The following MPDZ variants were observed in gnomAD, a reference collection of about 807,000 sequenced individuals.
MPDZ encodes the protein multiple PDZ domain crumbs cell polarity complex component, also known as multiple PDZ domain protein.
A neutral mutation model predicts 239.1 loss-of-function variants in MPDZ; 234 were observed. The ratio of observed to expected loss-of-function variants is 0.98; its 90% confidence interval spans 0.88 to 1.09. The LOEUF (loss-of-function observed/expected upper bound fraction) is 1.09, where lower values mean the gene tolerates loss of function less well. Among genes scored for constraint, MPDZ ranks in the 50% least tolerant of loss-of-function variants. The probability of loss-of-function intolerance (pLI) is 0.00; values close to 1 mark genes in which losing one functional copy is unlikely to be tolerated. For missense variants in MPDZ, 3,175 were observed against 2,510.0 expected (o/e 1.26, Z -5.66); for synonymous variants, 1,048 against 881.3 (o/e 1.19, Z -3.35).
At chr9:13,141,928 G>T (rs187878788) in intron 27 of MPDZ, among the ~76,000 whole-genome samples, 200 of 152,164 alleles carry the variant, frequency 1.3e-3, no homozygotes, top group African/African-American at 4.6e-3. Flanking sequence ...CAAATGCTGT[G>T]CCATAAATGT....
chr9:13,213,215 T>C (rs890954663), intron 10 of MPDZ, among the ~76,000 whole-genome samples: 2 of 152,034 alleles, frequency 1.3e-5, no homozygotes, highest in Non-Finnish European at 2.9e-5. Flanking sequence ...AATACCAACA[T>C]ATGAAATGGG....
At chr9:13,206,568 T>A (rs1425748179) in intron 10 of MPDZ, among the ~76,000 whole-genome samples, 3 of 151,584 alleles carry the variant, frequency 2.0e-5, no homozygotes, top group African/African-American at 7.3e-5. Flanking sequence ...TTTTTTTTTT[T>A]CTTTCTCACT....
chr9:13,120,770 A>G (rs1944225763), intron 38 of MPDZ: 1 of 152,232 alleles, frequency 6.6e-6, no homozygotes, highest in Non-Finnish European at 1.5e-5. Context: ...CCAAAGAAGG[A>G]TATTCTGAAA....
rs774809635 is a variant in MPDZ, at chr9:13,140,064, C to T, written c.3926G>A (p.Gly1309Asp). 1.9e-6 allele frequency: 3 copies of T among 1,613,502 alleles called. No homozygotes were observed. Among genetic ancestry groups the T allele is most frequent in the South Asian group, 2.2e-5 (2 of 91,074 alleles). Residue 1309 changes from glycine (G) to aspartate (D), a missense_variant, in exon 28 of 47, where the codon GGT becomes GAT. By Grantham distance (94) the Gly-to-Asp change is moderately conservative. Transcript: ENST00000319217. ...TGCAGATGACTGTGTGTGATCACTA[C>T]CCATTTCGGCAAAGGCTGAAGGAGG... ...PPPPSAFAEM[G>D]SDHTQSSASK...
intron 40 of MPDZ, among the ~76,000 whole-genome samples, chr9:13,114,882 A>C (rs1158048464): frequency 2.6e-5 from 4 of 152,126 alleles, no homozygotes; most frequent in Non-Finnish European, 5.9e-5. Context: ...CCTGGGTGAC[A>C]GAGCGAGACT....
Position 13,199,871 on chromosome 9 carries a change from G to C in MPDZ, c.1547-3641C>G, listed in dbSNP as rs148714298. 2.5e-3 allele frequency among the ~76,000 whole-genome samples: 374 copies of C among 152,128 alleles called. 2 individuals carry two copies. Among genetic ancestry groups the C allele is most frequent in the Non-Finnish European group, 4.6e-3 (316 of 67,966 alleles). On this transcript the variant is annotated intron_variant, in intron 12 of 46. Transcript: ENST00000319217. ...GTTGAATCTGGTTTGCTAGTATTTT[G>C]TTGAGGATTTTTGCAACTACGTTCA...
chr9:13,115,882 T>A (rs1170158176), intron 39 of MPDZ, among the ~76,000 whole-genome samples: 2 of 149,496 alleles, frequency 1.3e-5, no homozygotes, highest in African/African-American at 5.0e-5. Context: ...GAGGCGGAGC[T>A]TGCAGTGAGC....
chr9:13,195,662 A>G (rs545573796), intron 13 of MPDZ, among the ~76,000 whole-genome samples: 3 of 152,306 alleles, frequency 2.0e-5, no homozygotes, highest in East Asian at 1.9e-4. Context: ...TATGAAAAAA[A>G]GTATGCAGAA....
chr9:13,153,543 A>G (rs1390925335), intron 24 of MPDZ, among the ~76,000 whole-genome samples: 1 of 151,958 alleles, frequency 6.6e-6, no homozygotes, highest in East Asian at 1.9e-4. Flanking sequence ...TTCAACCTCA[A>G]TGTCCTGGGC....
chr9:13,236,281 T>A lies in MPDZ; in HGVS notation c.183+11354A>T, dbSNP rs1455705436. ...TATATATATATATTTTTTTTTTTTT[T>A]TTTTTTTTTTTTTGAGACAGAGTTT... On this transcript the variant is annotated intron_variant, in intron 3 of 46. Coordinates refer to ENST00000319217, the MANE Select transcript of MPDZ (RefSeq NM_001378778.1). 7.7e-4 allele frequency among the ~76,000 whole-genome samples: 25 copies of A among 32,544 alleles called. 2 individuals carry two copies. Among genetic ancestry groups the A allele is most frequent in the East Asian group, 2.0e-3 (1 of 498 alleles). 21.4% of individuals were successfully genotyped at this position (32,544 alleles called of 152,430 possible). A position where few individuals can be genotyped will look rare whatever the true frequency, so the allele number is the denominator to read the frequency against.
chr9:13,169,608 T>C (rs143775744), intron 21 of MPDZ, among the ~76,000 whole-genome samples: 4 of 152,074 alleles, frequency 2.6e-5, no homozygotes, highest in African/African-American at 9.6e-5. Flanking sequence ...CCTTCCATGA[T>C]TGTCTCCTTC....
intron 3 of MPDZ, among the ~76,000 whole-genome samples, chr9:13,227,391 T>G (rs1235537206): frequency 1.3e-5 from 2 of 152,046 alleles, no homozygotes; most frequent in Non-Finnish European, 2.9e-5. Context: ...TTTTTTATCC[T>G]GAGCCATGGC....
In MPDZ at chr9:13,268,503, A is replaced by G. The variant is rs16930210; in HGVS notation, c.-58+10897T>C. Among the ~76,000 whole-genome samples the G allele has an allele frequency of 1.8e-3, 268 of 152,326 alleles. 8 individuals carry two copies. In the East Asian group the frequency reaches 0.044, roughly 25 times the overall value. On this transcript the variant is annotated intron_variant, in intron 1 of 46. Coordinates refer to ENST00000319217, the MANE Select transcript of MPDZ (RefSeq NM_001378778.1). ...TGACAAAAGAAGAATGAGGATAACT[A>G]TCTAACTTCTGAGCTCCCAATTTAG...
rs763964370 is a variant in MPDZ, at chr9:13,121,860, C to G, written c.5110G>C (p.Val1704Leu). The stretch of plus-strand genomic sequence containing the variant: ...TCATCTCTGTAGAGTGTCAGGCGCA[C>G]TCTCTGTGGCGTCTGTCTCAGGACA... ...INVLRQTPQR[V>L]RLTLYRDEAP... Residue 1704 changes from valine (V) to leucine (L), a missense_variant, in exon 38 of 47, where the codon GTG (valine) becomes CTG (leucine). Transcript: ENST00000319217. The G allele has an allele frequency of 3.7e-6, 6 of 1,613,906 alleles. No individual in the cohort carries two copies. In the Admixed American group the frequency reaches 8.3e-5, roughly 22 times the overall value.
chr9:13,272,228 G>T (rs1973146263), intron 1 of MPDZ, among the ~76,000 whole-genome samples: 1 of 152,096 alleles, frequency 6.6e-6, no homozygotes, highest in African/African-American at 2.4e-5. Context: ...TTGAGAAAAG[G>T]ATAGGGGCTG....
chr9:13,250,139 T>C (rs1967544630), intron 2 of MPDZ, among the ~76,000 whole-genome samples, 161 bp downstream of exon 2: 1 of 152,160 alleles, frequency 6.6e-6, no homozygotes, highest in Admixed American at 6.5e-5. Context: ...ATTGTCCAAA[T>C]ACAGAAACAT....
intron 9 of MPDZ, 30 bp from the exon 10 acceptor site, chr9:13,216,892 AT>A: frequency 6.5e-7 from 1 of 1,536,982 alleles, no homozygotes. Flanking sequence ...ATTTTTCACA[AT>A]TTTCAAAGCA....
At chr9:13,182,188 T>C (rs1396037840) in intron 19 of MPDZ, among the ~76,000 whole-genome samples, 1 of 152,170 alleles carries the variant, frequency 6.6e-6, no homozygotes, top group African/African-American at 2.4e-5. Flanking sequence ...TTGAATTCAA[T>C]TTATGCAGAA....
At position 13,126,825 on chromosome 9, in the gene MPDZ, T is replaced by C; in HGVS notation, c.4465-53A>G. On this transcript the variant is annotated intron_variant, in intron 32 of 46. Transcript: ENST00000319217. Reference sequence around the variant, plus strand: ...GAAGACTTGAAACAGATTAATTTTATCCAAATGGATACCAAGGGTAAGAAA... The same window carrying C: ...GAAGACTTGAAACAGATTAATTTTACCCAAATGGATACCAAGGGTAAGAAA... 6.3e-6 allele frequency: 9 copies of C among 1,427,136 alleles called. No homozygotes were observed. The South Asian group carries it at 8.1e-5, about 13-fold the overall frequency. The allele number at this position is 1,427,136 out of a possible 1,614,324, so 88.4% of individuals were successfully genotyped here. A position where few individuals can be genotyped will look rare whatever the true frequency, so the allele number is the denominator to read the frequency against.
Sources: gnomAD v4.1 joint callset for allele counts (sites outside exome capture counted in the v4.1 genomes callset) on GRCh38, gnomAD v4.1.1 for gene constraint, MANE v1.5 for transcripts, NCBI Gene and HGNC (gene_info 2026-07-23, HGNC 2026-07-21) for gene names.